The following IL12RB2 variants were observed in gnomAD, a reference collection of about 807,000 sequenced individuals.
IL12RB2 encodes interleukin-12 receptor subunit beta-2.
In IL12RB2, 82 loss-of-function variants were observed where a neutral mutation model predicts 89.4. The observed-to-expected ratio is 0.92, with a 90% CI of 0.77 to 1.10. IL12RB2 has a LOEUF of 1.10. Ranked by LOEUF, IL12RB2 falls within the 50% of genes least tolerant of loss-of-function variation. The probability of loss-of-function intolerance (pLI) is 0.00; values close to 1 mark genes in which losing one functional copy is unlikely to be tolerated. For synonymous variants in IL12RB2, 368 were observed against 370.1 expected (o/e 0.99, Z 0.07); for missense variants, 963 against 1,031.9 (o/e 0.93, Z 0.92).
chr1:67,336,317 C>T (rs1384883525), intron 8 of IL12RB2, among the ~76,000 whole-genome samples: 3 of 152,122 alleles, frequency 2.0e-5, no homozygotes, highest in Admixed American at 1.3e-4. Flanking sequence ...TGCACCCTTG[C>T]GTTGTGTGAG....
intron 16 of IL12RB2, among the ~76,000 whole-genome samples, chr1:67,391,620 A>T (rs1011476200): frequency 6.6e-6 from 1 of 150,944 alleles, no homozygotes; most frequent in Non-Finnish European, 1.5e-5. Flanking sequence ...TAACCCATAA[A>T]CATCTCTATG....
chr1:67,374,631 A>C (rs1298238669), intron 13 of IL12RB2, among the ~76,000 whole-genome samples: 1 of 151,962 alleles, frequency 6.6e-6, no homozygotes, highest in Non-Finnish European at 1.5e-5. Flanking sequence ...ATGTACCACC[A>C]TGCCCTGCTA....
At chr1:67,320,570 A>G in intron 3 of IL12RB2, 126 bp downstream of exon 3, 2 of 1,522,762 alleles carry the variant, frequency 1.3e-6, no homozygotes, top group South Asian at 1.2e-5. Context: ...CTGTCATTTA[A>G]GTGGATAAGT....
At chr1:67,367,418 G>GAGAAGA (rs1466229152) in intron 10 of IL12RB2, among the ~76,000 whole-genome samples, 18 of 139,284 alleles carry the variant, frequency 1.3e-4, no homozygotes, top group Non-Finnish European at 1.5e-4. Context: ...GAAAGAGAGA[G>GAGAAGA]AGAAGAAAAA....
In IL12RB2 at chr1:67,328,266, C is replaced by G; in HGVS notation, c.546C>G (p.Asp182Glu). 1 of 1,614,158 alleles carries G rather than the reference C, an allele frequency of 6.2e-7. No individual in the cohort carries two copies. The highest frequency in any genetic ancestry group is 1.3e-5 in the African/African-American group (1 of 75,046). Reference sequence around the variant, plus strand: ...AAGACATTTATTGTGACTATTTGGACTTTGGAATCAACCTCACCCCTGAAT... The same window carrying G: ...AAGACATTTATTGTGACTATTTGGAGTTTGGAATCAACCTCACCCCTGAAT... ...QCKDIYCDYL[D>E]FGINLTPESP... The change falls in exon 6 of 17, where the codon GAC (aspartate) becomes GAG (glutamate). Residue 182 changes from aspartate (D) to glutamate (E), a missense_variant. Transcript: ENST00000674203.
intron 8 of IL12RB2, among the ~76,000 whole-genome samples, chr1:67,333,919 T>G (rs1005842554): frequency 2.0e-5 from 3 of 152,236 alleles, no homozygotes; most frequent in Non-Finnish European, 4.4e-5. Flanking sequence ...TCTCTGTCTG[T>G]TAATCCGCCA....
At chr1:67,375,393 TCAAAGAGTGA>T (rs1663847920) in intron 13 of IL12RB2, among the ~76,000 whole-genome samples, 1 of 152,096 alleles carries the variant, frequency 6.6e-6, no homozygotes, top group Non-Finnish European at 1.5e-5. Flanking sequence ...GGACTCTGTC[TCAAAGAGTGA>T]AAAATAAAAA....
intron 11 of IL12RB2, among the ~76,000 whole-genome samples, chr1:67,368,347 A>G (rs1316157129): frequency 6.6e-6 from 1 of 152,230 alleles, no homozygotes; most frequent in East Asian, 1.9e-4. Flanking sequence ...TTTATTTATC[A>G]TAGCACACTG....
intron 4 of IL12RB2, among the ~76,000 whole-genome samples, chr1:67,322,671 G>GGGAA (rs1553309224): frequency 4.0e-5 from 6 of 151,830 alleles, no homozygotes; most frequent in African/African-American, 1.5e-4. Context: ...CTCATGACAA[G>GGGAA]AGAAAGAAGA....
At chr1:67,331,882 TAGTAGAG>T (rs1316576341) in intron 8 of IL12RB2, among the ~76,000 whole-genome samples, 1 of 152,160 alleles carries the variant, frequency 6.6e-6, no homozygotes, top group Non-Finnish European at 1.5e-5. Context: ...TTTAGTGATA[TAGTAGAG>T]AGTCTTTCAT....
At chr1:67,320,198 A>T in intron 2 of IL12RB2, 135 bp from the exon 3 acceptor site, 1 of 1,365,138 alleles carries the variant, frequency 7.3e-7, no homozygotes, top group South Asian at 1.3e-5. Flanking sequence ...TTAAAGGTAC[A>T]TGTCATTTTT....
intron 2 of IL12RB2, among the ~76,000 whole-genome samples, chr1:67,317,539 A>G (rs1655934870): frequency 6.6e-6 from 1 of 152,108 alleles, no homozygotes; most frequent in South Asian, 2.1e-4. Context: ...TCCTGTGACT[A>G]TATTGGGCCC....
intron 9 of IL12RB2, among the ~76,000 whole-genome samples, chr1:67,339,723 C>T (rs1305820618): frequency 4.6e-5 from 7 of 151,980 alleles, no homozygotes; most frequent in Non-Finnish European, 7.4e-5. Flanking sequence ...AATGAGAAAA[C>T]GAATGAATGA....
intron 8 of IL12RB2, among the ~76,000 whole-genome samples, chr1:67,336,776 T>C (rs547852368): frequency 1.3e-5 from 2 of 152,344 alleles, no homozygotes; most frequent in Non-Finnish European, 2.9e-5. Context: ...CTATGGGCTC[T>C]GGGATAAAAC....
At chr1:67,326,931 AT>A in intron 5 of IL12RB2, 82 bp downstream of exon 5, 1 of 965,318 alleles carries the variant, frequency 1.0e-6, no homozygotes, top group Non-Finnish European at 1.3e-6. Flanking sequence ...TTCTTTATTT[AT>A]TTTTATTTTA....
At chr1:67,395,027 G>A (rs1183936956) in intron 16 of IL12RB2, among the ~76,000 whole-genome samples, 1 of 152,136 alleles carries the variant, frequency 6.6e-6, no homozygotes, top group Admixed American at 6.5e-5. Flanking sequence ...CAGCACTTTG[G>A]GAGGCCAAGG....
At chr1:67,329,760 C>T in intron 7 of IL12RB2, 31 bp downstream of exon 7, 1 of 1,487,288 alleles carries the variant, frequency 6.7e-7, no homozygotes, top group Non-Finnish European at 9.4e-7. Context: ...GGAAAAAACA[C>T]TGAAGCATTC....
At chr1:67,369,987 A>C (rs1018106598) in intron 11 of IL12RB2, among the ~76,000 whole-genome samples, 1 of 148,582 alleles carries the variant, frequency 6.7e-6, no homozygotes, top group Non-Finnish European at 1.5e-5. Context: ...ATGCCATTGC[A>C]CTCCAGCCTG....
chr1:67,342,373 C>A (rs572016516), intron 9 of IL12RB2, among the ~76,000 whole-genome samples: 4 of 152,272 alleles, frequency 2.6e-5, no homozygotes, highest in Admixed American at 2.6e-4. Context: ...GAGCACTTTT[C>A]TCTTGCATAT....
Sources: gnomAD v4.1 joint callset for allele counts (sites outside exome capture counted in the v4.1 genomes callset) on GRCh38, gnomAD v4.1.1 for gene constraint, MANE v1.5 for transcripts, NCBI Gene and HGNC (gene_info 2026-07-23, HGNC 2026-07-21) for gene names.